Variants in TRRAP observed in about 807,000 individuals in gnomAD.
The protein encoded by TRRAP is transformation/transcription domain associated protein.
In TRRAP, 41 loss-of-function variants were observed where a neutral mutation model predicts 438.8. The observed-to-expected ratio is 0.09, with a 90% CI of 0.07 to 0.12. The LOEUF is 0.12. TRRAP is among the 10% of genes least tolerant of loss of function. The pLI is 1.00. For missense variants in TRRAP, 3,122 were observed against 5,055.1 expected, an observed-to-expected ratio of 0.62 and a Z score of 11.60; for synonymous variants, 1,994 against 1,962.9, an observed-to-expected ratio of 1.02 and a Z score of -0.42.
chr7:98,992,804 C>T (rs1175203534), intron 65 of TRRAP, among the ~76,000 whole-genome samples: 2 of 152,152 alleles, frequency 1.3e-5, no homozygotes, highest in African/African-American at 2.4e-5. Context: ...GTTTTCAATG[C>T]TGAGTCTCCT....
Position 98,881,659 on chromosome 7 carries a change from A to T in TRRAP, c.101-316A>T, listed in dbSNP as rs149626867. The T allele has an allele frequency of 3.8e-3, 1,250 of 328,172 alleles. 3 individuals carry two copies. Among genetic ancestry groups the T allele is most frequent in the Admixed American group, 7.1e-3 (157 of 22,066 alleles). 20.3% of individuals were successfully genotyped at this position (328,172 alleles called of 1,614,324 possible). A position where few individuals can be genotyped will look rare whatever the true frequency, so the allele number is the denominator to read the frequency against. Reference sequence around the variant, plus strand: ...TACTTTGAGATTAATCGTAACAGTAACTTTTATTCTCATTTTCCTTTTCTC... The same window carrying T: ...TACTTTGAGATTAATCGTAACAGTATCTTTTATTCTCATTTTCCTTTTCTC... On this transcript the variant is annotated intron_variant, in intron 2 of 72. Transcript: ENST00000456197.
At position 98,978,752 on chromosome 7, in the gene TRRAP, G is replaced by A. The variant is rs775635279; in HGVS notation, c.8499-17G>A. The stretch of plus-strand genomic sequence containing the variant: ...GCTGGTGATTGAGCTTTTGCTCTGG[G>A]ATCTGTGGTCTTCTAGATGCTCCAA... On this transcript the variant is annotated splice_polypyrimidine_tract_variant and intron_variant, in intron 57 of 72. Coordinates refer to ENST00000456197, the MANE Select transcript of TRRAP (RefSeq NM_001375524.1). 18 of 1,613,922 alleles carry A rather than the reference G, an allele frequency of 1.1e-5. No individual in the cohort carries two copies. Among genetic ancestry groups the A allele is most frequent in the African/African-American group, 2.7e-5 (2 of 74,928 alleles).
At chr7:98,929,314 C>G (rs952723565) in intron 23 of TRRAP, among the ~76,000 whole-genome samples, 2 of 152,210 alleles carry the variant, frequency 1.3e-5, no homozygotes, top group Admixed American at 1.3e-4. Flanking sequence ...TCTTGAACTC[C>G]TGGCCTCAAG....
At chr7:98,904,502 A>G (rs1319640453) in intron 12 of TRRAP, among the ~76,000 whole-genome samples, 2 of 147,540 alleles carry the variant, frequency 1.4e-5, no homozygotes, top group South Asian at 2.2e-4. Context: ...AAAAAAAAAA[A>G]AAAAAAATAC....
At chr7:98,981,406 AAAT>A (rs992056801) in intron 58 of TRRAP, among the ~76,000 whole-genome samples, 2 of 152,124 alleles carry the variant, frequency 1.3e-5, no homozygotes, top group Admixed American at 6.5e-5. Flanking sequence ...CGTCTCAAAA[AAAT>A]AATAATAATA....
chr7:98,995,909 C>T lies in TRRAP; in HGVS notation c.10309+1061C>T, dbSNP rs572066231. 1.5e-3 allele frequency among the ~76,000 whole-genome samples: 216 copies of T among 146,658 alleles called. 2 individuals are homozygous for T. Among genetic ancestry groups the T allele is most frequent in the Non-Finnish European group, 2.4e-3 (164 of 67,542 alleles). On this transcript the variant is annotated intron_variant, in intron 67 of 72. Coordinates refer to ENST00000456197, the MANE Select transcript of TRRAP (RefSeq NM_001375524.1). ...CACCCCTGTCCCATCTACACACCCG[C>T]GTCCCATCCTCGCATCCCCATCCCG... is the stretch of plus-strand genomic sequence containing the variant.
chr7:99,008,658 A>T, intron 70 of TRRAP, 97 bp downstream of exon 70: 1 of 1,343,960 alleles, frequency 7.4e-7, no homozygotes. Context: ...ATGAACAGGC[A>T]TTTGTTGGGG....
At chr7:98,962,847 C>T (rs952568060) in intron 47 of TRRAP, among the ~76,000 whole-genome samples, 11 of 152,186 alleles carry the variant, frequency 7.2e-5, no homozygotes, top group East Asian at 5.8e-4. Context: ...CCAGGTGAGA[C>T]GGAAACTGCC....
In TRRAP at chr7:98,925,217, C is replaced by T. The variant is rs546717951; in HGVS notation, c.2929C>T (p.Leu977=). 3 of 1,614,162 alleles carry T rather than the reference C, an allele frequency of 1.9e-6. No individual in the cohort carries two copies. The highest frequency in any genetic ancestry group is 2.2e-5 in the East Asian group (1 of 44,882). The change falls in exon 22 of 73, where the codon CTG becomes TTG. Residue 977 remains leucine, a synonymous_variant. Transcript: ENST00000456197. ...IKCFLVAMMS[L]EDNKHALYQL... The stretch of plus-strand genomic sequence containing the variant: ...ATGCTTCCTGGTGGCCATGATGAGC[C>T]TGGAGGACAACAAGCACGCACTCTA...
In TRRAP at chr7:98,950,974, A is replaced by G; in HGVS notation, c.5433A>G (p.Pro1811=). ...CTCCCAATCCAGAAGGAGATAACCC[A>G]GAAAGCATCACCAGTGTGTTTATTA... ...LGPPNPEGDN[P]ESITSVFITK... The change falls in exon 39 of 73, where the codon CCA becomes CCG. Residue 1811 remains proline (P), a synonymous_variant. Coordinates refer to ENST00000456197, the MANE Select transcript of TRRAP (RefSeq NM_001375524.1). 6.2e-7 allele frequency: 1 copy of G among 1,610,214 alleles called. No individual in the cohort carries two copies. Among genetic ancestry groups the G allele is most frequent in the Non-Finnish European group, 8.5e-7 (1 of 1,178,810 alleles).
At chr7:98,911,402 G>T in intron 17 of TRRAP, 131 bp downstream of exon 17, 1 of 872,264 alleles carries the variant, frequency 1.1e-6, no homozygotes, top group Non-Finnish European at 1.7e-6. Context: ...AAAATTTAAA[G>T]AAATATTAGG....
intron 47 of TRRAP, among the ~76,000 whole-genome samples, chr7:98,963,593 G>T (rs1387410718): frequency 6.6e-6 from 1 of 152,034 alleles, no homozygotes; most frequent in African/African-American, 2.4e-5. Context: ...ATAGAGGAGA[G>T]CATAGCACTC....
At chr7:98,989,092 C>T (rs1247405241) in intron 63 of TRRAP, 126 bp downstream of exon 63, 2 of 971,624 alleles carry the variant, frequency 2.1e-6, no homozygotes, top group East Asian at 5.3e-5. Context: ...AACTCTTAAT[C>T]CTCATCACTG....
chr7:99,003,536 G>A (rs1177691748), intron 67 of TRRAP, among the ~76,000 whole-genome samples: 9 of 152,072 alleles, frequency 5.9e-5, no homozygotes, highest in Admixed American at 1.3e-4. Flanking sequence ...TTCACAGGCC[G>A]CCCTCAGGCT....
rs927308838 is a variant in TRRAP at position 99,012,460 on chromosome 7, A to G, written c.*105A>G. On this transcript the variant is annotated 3_prime_UTR_variant, in exon 73 of 73. Coordinates refer to ENST00000456197, the MANE Select transcript of TRRAP (RefSeq NM_001375524.1). The surrounding 1 kb of genome is among the most constrained non-coding windows in gnomAD (Gnocchi z 5.9). ...CGTTCCTTATATTCACAGAAGCCCC[A>G]TAGTTTCACTGGGTTGCGGTTATTT... 43 of 1,334,206 alleles carry G rather than the reference A, an allele frequency of 3.2e-5. No individual in the cohort carries two copies. The highest frequency in any genetic ancestry group is 3.9e-5 in the Non-Finnish European group (39 of 996,396). 82.6% of individuals were successfully genotyped at this position (1,334,206 alleles called of 1,614,324 possible).
At chr7:98,943,626 T>C (rs1051306322) in intron 31 of TRRAP, among the ~76,000 whole-genome samples, 1 of 152,242 alleles carries the variant, frequency 6.6e-6, no homozygotes, top group Non-Finnish European at 1.5e-5. Flanking sequence ...GCTAAATCTT[T>C]TAAAGTGTCT....
intron 67 of TRRAP, chr7:98,999,358 C>A: frequency 1.4e-6 from 2 of 1,406,360 alleles, no homozygotes; most frequent in South Asian, 1.2e-5. Context: ...GACAGTGATT[C>A]CACATCCTGC....
At chr7:98,896,514 A>AT (rs1160030753) in intron 7 of TRRAP, among the ~76,000 whole-genome samples, 3 of 151,844 alleles carry the variant, frequency 2.0e-5, no homozygotes, top group Non-Finnish European at 2.9e-5. Flanking sequence ...AGTTCAAGCA[A>AT]TTCTCCTGCC....
chr7:98,938,525 T>C (rs1275280915), intron 30 of TRRAP, among the ~76,000 whole-genome samples: 4 of 147,276 alleles, frequency 2.7e-5, no homozygotes, highest in Admixed American at 1.4e-4. Flanking sequence ...AGAGGACATA[T>C]GTGTATATAT....
Sources: allele counts gnomAD v4.1 joint callset (sites outside exome capture counted in the v4.1 genomes callset), GRCh38; gene constraint gnomAD v4.1.1; non-coding constraint Gnocchi (gnomAD v3.1); transcripts MANE v1.5; gene names NCBI Gene and HGNC (gene_info 2026-07-23, HGNC 2026-07-21).